Variants in CYP27A1 observed in about 807,000 individuals in gnomAD.
The protein encoded by CYP27A1 is cytochrome P450 family 27 subfamily A member 1, also known as sterol 26-hydroxylase, mitochondrial.
CYP27A1 carries 46 observed loss-of-function variants against 58.2 expected under a neutral mutation model. The ratio of observed to expected loss-of-function variants is 0.79; its 90% CI spans 0.62 to 1.01. CYP27A1 has a LOEUF of 1.01. CYP27A1 is among the 50% of genes least tolerant of loss of function. The probability of loss-of-function intolerance (pLI) is 0.00; values close to 1 mark genes in which losing one functional copy is unlikely to be tolerated. For synonymous variants in CYP27A1, 274 were observed against 285.1 expected (o/e 0.96, Z 0.39); for missense variants, 704 against 687.0 (o/e 1.02, Z -0.28).
chr2:218,792,765 A>C, intron 1 of CYP27A1, among the ~76,000 whole-genome samples: 1 of 152,342 alleles, frequency 6.6e-6, no homozygotes, highest in Non-Finnish European at 1.5e-5. Flanking sequence ...ATTTTGGAAC[A>C]TATATTAATA....
chr2:218,789,763 CATT>C (rs1383661665), intron 1 of CYP27A1, among the ~76,000 whole-genome samples: 1 of 152,188 alleles, frequency 6.6e-6, no homozygotes, highest in Admixed American at 6.5e-5. Context: ...AGACTTTACT[CATT>C]GATGTCATTA....
rs1943692396 is a variant in CYP27A1 at position 218,809,729 on chromosome 2, C to G, written c.408C>G (p.His136Gln). 1.2e-6 allele frequency: 2 copies of G among 1,613,862 alleles called. No individual in the cohort carries two copies. The highest frequency in any genetic ancestry group is 8.5e-7 in the Non-Finnish European group (1 of 1,179,922). Reference protein sequence around the residue: ...VRNDMELWKEHRDQHDLTYGP... With the variant: ...VRNDMELWKEQRDQHDLTYGP... The stretch of plus-strand genomic sequence containing the variant: ...ACGACATGGAGCTATGGAAGGAGCA[C>G]CGGGACCAGCACGACCTGACCTATG... The change falls in exon 2 of 9, where the codon CAC (histidine) becomes CAG (glutamine). Residue 136 changes from histidine to glutamine, a missense_variant. His to Gln is a conservative substitution (Grantham distance 24, BLOSUM62 0). Coordinates refer to ENST00000258415, the MANE Select transcript of CYP27A1 (RefSeq NM_000784.4).
chr2:218,809,030 G>A (rs948884888), intron 1 of CYP27A1, among the ~76,000 whole-genome samples: 7 of 151,756 alleles, frequency 4.6e-5, no homozygotes, highest in African/African-American at 7.3e-5. Context: ...ATATCATACC[G>A]CATGGCTTAC....
Position 218,812,682 on chromosome 2 carries a change from G to A in CYP27A1, c.777G>A (p.Lys259=). Residue 259 remains lysine, a synonymous_variant, in exon 4 of 9, where the codon AAG becomes AAA. Transcript: ENST00000258415. Reference sequence around the variant, plus strand: ...CACTCTATGCCACCTTCCTCCCCAAGTGGACTCGCCCCGTGCTGCCTTTCT... The same window carrying A: ...CACTCTATGCCACCTTCCTCCCCAAATGGACTCGCCCCGTGCTGCCTTTCT... ...QNSLYATFLP[K]WTRPVLPFWK... 6.2e-7 allele frequency: 1 copy of A among 1,614,198 alleles called. No individual in the cohort carries two copies. Among genetic ancestry groups the A allele is most frequent in the Non-Finnish European group, 8.5e-7 (1 of 1,180,048 alleles).
chr2:218,783,257 C>CAAAAAAAAAAAAAAAAAA (rs371442397), intron 1 of CYP27A1, among the ~76,000 whole-genome samples: 1 of 79,534 alleles, frequency 1.3e-5, no homozygotes, highest in African/African-American at 4.2e-5. Context: ...AACTCTGTCT[C>CAAAAAAAAAAAAAAAAAA]AAAAAAAAAA....
Position 218,814,984 on chromosome 2 carries a change from T to C in CYP27A1, c.1550T>C (p.Val517Ala). The C allele has an allele frequency of 6.2e-7, 1 of 1,614,228 alleles. No homozygotes were observed. Among genetic ancestry groups the C allele is most frequent in the Non-Finnish European group, 8.5e-7 (1 of 1,180,030 alleles). The change falls in exon 9 of 9, where the codon GTT (valine) becomes GCT (alanine). Residue 517 changes from valine (V) to alanine (A), a missense_variant. Coordinates refer to ENST00000258415, the MANE Select transcript of CYP27A1 (RefSeq NM_000784.4). ...ELKSVARIVL[V>A]PNKKVGLQFL... ...AAGAGTGTGGCCCGCATTGTCCTGG[T>C]TCCCAATAAGAAAGTGGGCCTGCAG...
intron 1 of CYP27A1, among the ~76,000 whole-genome samples, chr2:218,788,989 C>G (rs554466703): frequency 7.3e-4 from 111 of 152,268 alleles, no homozygotes; most frequent in African/African-American, 2.6e-3. Flanking sequence ...GCCCAAAAGC[C>G]TCAGAGATGG....
intron 1 of CYP27A1, among the ~76,000 whole-genome samples, chr2:218,787,989 T>C (rs576361930): frequency 2.0e-5 from 3 of 152,272 alleles, no homozygotes; most frequent in Non-Finnish European, 4.4e-5. Context: ...TATTTTGTTA[T>C]AGTCATAATT....
intron 2 of CYP27A1, among the ~76,000 whole-genome samples, chr2:218,811,157 T>C (rs763984208): frequency 3.9e-5 from 6 of 152,052 alleles, no homozygotes; most frequent in African/African-American, 1.4e-4. Flanking sequence ...CAAACAAAAA[T>C]ACAACTTTAT....
intron 5 of CYP27A1, 41 bp downstream of exon 5, chr2:218,813,137 C>G: frequency 6.4e-7 from 1 of 1,559,368 alleles, no homozygotes; most frequent in Non-Finnish European, 8.7e-7. Flanking sequence ...CCCCCAGCTC[C>G]CAACCTGAAC....
chr2:218,786,231 G>A (rs554577012), intron 1 of CYP27A1, among the ~76,000 whole-genome samples: 19 of 152,270 alleles, frequency 1.2e-4, no homozygotes, highest in African/African-American at 3.4e-4. Context: ...ATGAGCCCAC[G>A]ATAGTGGCCA....
At chr2:218,808,211 G>A (rs1943671042) in intron 1 of CYP27A1, among the ~76,000 whole-genome samples, 1 of 152,186 alleles carries the variant, frequency 6.6e-6, no homozygotes, top group Non-Finnish European at 1.5e-5. Context: ...AGTCCTACCA[G>A]CAGTATATTT....
intron 2 of CYP27A1, among the ~76,000 whole-genome samples, chr2:218,810,926 T>A (rs1943707398): frequency 6.6e-6 from 1 of 152,082 alleles, no homozygotes; most frequent in Non-Finnish European, 1.5e-5. Context: ...GGTGGGCGGA[T>A]CATGAGGTCA....
In CYP27A1 at chr2:218,814,911, C is replaced by T; in HGVS notation, c.1477C>T (p.Leu493=). 6.2e-7 allele frequency: 1 copy of T among 1,614,222 alleles called. No homozygotes were observed. Among genetic ancestry groups the T allele is most frequent in the Non-Finnish European group, 8.5e-7 (1 of 1,180,044 alleles). The part of the protein sequence containing the change: ...ELEMQLLLAR[L]IQKYKVVLAP... ...ACCACATGTGCTCTTTACCCCCCAG[C>T]TGATCCAGAAGTACAAGGTGGTCCT... is the stretch of plus-strand genomic sequence containing the variant. Residue 493 remains leucine (L), a splice_region_variant and synonymous_variant, in exon 9 of 9, where the codon CTG becomes TTG. Transcript: ENST00000258415.
In CYP27A1 at chr2:218,814,375, T is replaced by G; in HGVS notation, c.1185-5T>G. On this transcript the variant is annotated splice_region_variant and splice_polypyrimidine_tract_variant and intron_variant, in intron 6 of 8. Coordinates refer to ENST00000258415, the MANE Select transcript of CYP27A1 (RefSeq NM_000784.4). Reference sequence around the variant, plus strand: ...AGCAGACTCCAGACATTCTTTTCCCTGCAGTCTCTACCCTGTGGTCCCCAC... The same window carrying G: ...AGCAGACTCCAGACATTCTTTTCCCGGCAGTCTCTACCCTGTGGTCCCCAC... 6.2e-7 allele frequency: 1 copy of G among 1,613,964 alleles called. No homozygotes were observed. Among genetic ancestry groups the G allele is most frequent in the South Asian group, 1.1e-5 (1 of 91,074 alleles).
intron 1 of CYP27A1, among the ~76,000 whole-genome samples, chr2:218,794,922 T>C (rs1412109797): frequency 1.3e-5 from 2 of 152,178 alleles, no homozygotes; most frequent in African/African-American, 4.8e-5. Flanking sequence ...CTGGGGTACA[T>C]GAAGAAGAGA....
intron 1 of CYP27A1, among the ~76,000 whole-genome samples, chr2:218,785,919 C>T (rs1315997724): frequency 2.0e-5 from 3 of 152,168 alleles, no homozygotes; most frequent in South Asian, 2.1e-4. Flanking sequence ...TTTATTGGCT[C>T]ATAGAACTGA....
At chr2:218,804,168 T>C (rs891233147) in intron 1 of CYP27A1, among the ~76,000 whole-genome samples, 2 of 152,242 alleles carry the variant, frequency 1.3e-5, no homozygotes, top group Non-Finnish European at 2.9e-5. Flanking sequence ...CAGAGTTTTA[T>C]AGTTTTAGCT....
Position 218,782,689 on chromosome 2 carries a change from G to T in CYP27A1, c.255+252G>T, listed in dbSNP as rs1264784344. Among the ~76,000 whole-genome samples the T allele has an allele frequency of 6.6e-6, 1 of 152,184 alleles. No individual in the cohort carries two copies. Among genetic ancestry groups the T allele is most frequent in the African/African-American group, 2.4e-5 (1 of 41,454 alleles). ...CCAGTAAGGGGGGGATCTGGACGCC[G>T]GACTTACAGTGAGCAGAGGTTGAGG... On this transcript the variant is annotated intron_variant, in intron 1 of 8. Coordinates refer to ENST00000258415, the MANE Select transcript of CYP27A1 (RefSeq NM_000784.4). The surrounding 1 kb of genome is among the most constrained non-coding windows in gnomAD (Gnocchi z 4.1).
Sources: gnomAD v4.1 joint callset for allele counts (sites outside exome capture counted in the v4.1 genomes callset) on GRCh38, gnomAD v4.1.1 for gene constraint, Gnocchi (gnomAD v3.1) non-coding constraint, MANE v1.5 for transcripts, NCBI Gene and HGNC (gene_info 2026-07-23, HGNC 2026-07-21) for gene names.